Variants in ZBTB46 observed in about 807,000 individuals in gnomAD.
The protein encoded by ZBTB46 is zinc finger and BTB domain-containing protein 46.
In ZBTB46, 8 loss-of-function variants were observed where a neutral mutation model predicts 44.1. That is an observed-to-expected ratio of 0.18 (90% CI 0.11 to 0.33). The LOEUF (loss-of-function observed/expected upper bound fraction) is 0.33, where lower values mean the gene tolerates loss of function less well. Ranked by LOEUF, ZBTB46 falls within the 10% of genes least tolerant of loss-of-function variation. ZBTB46 has a pLI of 1.00. For missense variants in ZBTB46, 651 were observed against 847.7 expected, an observed-to-expected ratio of 0.77 and a Z score of 2.88; for synonymous variants, 409 against 382.3, an observed-to-expected ratio of 1.07 and a Z score of -0.81.
intron 1 of ZBTB46, among the ~76,000 whole-genome samples, chr20:63,814,471 G>C (rs4809357): frequency 6.6e-6 from 1 of 152,190 alleles, no homozygotes; most frequent in Non-Finnish European, 1.5e-5. Flanking sequence ...CAATCCAGCG[G>C]TGCAAATGCG....
At chr20:63,795,654 A>C (rs1410410926) in intron 1 of ZBTB46, among the ~76,000 whole-genome samples, 1 of 152,214 alleles carries the variant, frequency 6.6e-6, no homozygotes, top group African/African-American at 2.4e-5. Context: ...GCTCCCACCC[A>C]TCGTGCCGTC....
intron 1 of ZBTB46, among the ~76,000 whole-genome samples, chr20:63,792,509 G>C (rs1404959417): frequency 6.6e-6 from 1 of 151,986 alleles, no homozygotes; most frequent in Non-Finnish European, 1.5e-5. Flanking sequence ...AGTCATGACA[G>C]AATATTTTCT....
intron 4 of ZBTB46, among the ~76,000 whole-genome samples, chr20:63,750,098 G>C (rs1006566317): frequency 1.3e-5 from 2 of 152,260 alleles, no homozygotes; most frequent in African/African-American, 4.8e-5. Flanking sequence ...GGCTGACAGT[G>C]CTCGTAAGTG....
At chr20:63,747,539 G>GTGGGGGGGGCA (rs2092114950) in intron 4 of ZBTB46, among the ~76,000 whole-genome samples, 1 of 128,638 alleles carries the variant, frequency 7.8e-6, no homozygotes, top group African/African-American at 3.0e-5. Context: ...TGGTGGGTGG[G>GTGGGGGGGGCA]GGGGGTGCGG....
chr20:63,826,391 C>T (rs796807580), intron 1 of ZBTB46, among the ~76,000 whole-genome samples: 4 of 152,202 alleles, frequency 2.6e-5, no homozygotes, highest in African/African-American at 9.6e-5. Context: ...AAGAGGAGCC[C>T]GGGGGCGACA....
upstream of ZBTB46, among the ~76,000 whole-genome samples, chr20:63,833,382 G>A (rs6011176): frequency 6.6e-6 from 1 of 152,116 alleles, no homozygotes; most frequent in East Asian, 1.9e-4. Context: ...ACGAGGTCAG[G>A]AGATCGAGAC....
In ZBTB46 at chr20:63,803,482, A is replaced by G; in HGVS notation, c.-33-12692T>C. ...AGTGAGCAAGTGGGTGCTGGCGATG[A>G]GGACTTTAGGTTTTCCACATGGCAG... is the stretch of plus-strand genomic sequence containing the variant. On this transcript the variant is annotated intron_variant, in intron 1 of 4. Transcript: ENST00000245663. This position sits in a 1 kb window ranked among gnomAD's most constrained non-coding sequence, Gnocchi z 4.0. 1.0e-6 allele frequency: 1 copy of G among 985,326 alleles called. No individual in the cohort carries two copies. The highest frequency in any genetic ancestry group is 1.2e-6 in the Non-Finnish European group (1 of 829,906). 61.0% of individuals were successfully genotyped at this position (985,326 alleles called of 1,614,324 possible).
intron 4 of ZBTB46, among the ~76,000 whole-genome samples, chr20:63,749,912 GAAGC>G: frequency 1.3e-5 from 2 of 152,252 alleles, no homozygotes; most frequent in South Asian, 2.1e-4. Flanking sequence ...GCCCTGGAAG[GAAGC>G]AAGAAGGAAG....
At chr20:63,778,775 A>G (rs2092445339) in intron 2 of ZBTB46, among the ~76,000 whole-genome samples, 2 of 152,214 alleles carry the variant, frequency 1.3e-5, no homozygotes, top group South Asian at 2.1e-4. Flanking sequence ...ATGACACATC[A>G]TATTAATTGT....
rs762030374 is a variant in ZBTB46 at position 63,768,357 on chromosome 20, G to A, written c.1222+7321C>T. On this transcript the variant is annotated intron_variant, in intron 3 of 4. Transcript: ENST00000245663. ...TGTGATCCCAGCACTTTGGGAGGCC[G>A]AGGCAGGCGGATCACCTGAGGTCAG... Among the ~76,000 whole-genome samples the A allele has an allele frequency of 9.9e-5, 15 of 152,142 alleles. No homozygotes were observed. The East Asian group carries it at 1.5e-3, about 16-fold the overall frequency.
At chr20:63,780,559 C>T (rs2092460828) in intron 2 of ZBTB46, among the ~76,000 whole-genome samples, 1 of 151,658 alleles carries the variant, frequency 6.6e-6, no homozygotes, top group Non-Finnish European at 1.5e-5. Context: ...TCCCAGCACT[C>T]TCGGAGGCTG....
intron 1 of ZBTB46, among the ~76,000 whole-genome samples, chr20:63,814,158 G>A (rs1018366815): frequency 1.5e-4 from 22 of 151,452 alleles, no homozygotes; most frequent in African/African-American, 4.6e-4. Context: ...GCATGAACCC[G>A]GGAGGCAGAG....
intron 1 of ZBTB46, among the ~76,000 whole-genome samples, chr20:63,817,552 C>T (rs953935971): frequency 3.3e-5 from 5 of 151,226 alleles, no homozygotes; most frequent in Admixed American, 3.3e-4. Flanking sequence ...CTGTACCTAC[C>T]AAAAATACAA....
intron 1 of ZBTB46, among the ~76,000 whole-genome samples, chr20:63,814,157 C>T (rs1218113375): frequency 1.3e-5 from 2 of 149,446 alleles, no homozygotes; most frequent in African/African-American, 2.5e-5. Flanking sequence ...GGCATGAACC[C>T]GGGAGGCAGA....
At chr20:63,766,814 T>C (rs1224956573) in intron 3 of ZBTB46, among the ~76,000 whole-genome samples, 1 of 152,126 alleles carries the variant, frequency 6.6e-6, no homozygotes, top group African/African-American at 2.4e-5. Context: ...CCAGCTGCAG[T>C]GGAGATGGGG....
chr20:63,764,083 C>A (rs1339159195), intron 3 of ZBTB46, among the ~76,000 whole-genome samples: 4 of 152,066 alleles, frequency 2.6e-5, no homozygotes, highest in Non-Finnish European at 5.9e-5. Context: ...ATCCTCCCAC[C>A]TCAGCCTCCC....
intron 1 of ZBTB46, among the ~76,000 whole-genome samples, chr20:63,791,904 G>A (rs891828106): frequency 2.0e-5 from 3 of 152,192 alleles, no homozygotes; most frequent in East Asian, 3.8e-4. Flanking sequence ...TATCAAGCCT[G>A]GGAGGCTCAA....
At chr20:63,763,978 T>C (rs1040833019) in intron 3 of ZBTB46, among the ~76,000 whole-genome samples, 3 of 152,122 alleles carry the variant, frequency 2.0e-5, no homozygotes, top group Non-Finnish European at 2.9e-5. Flanking sequence ...TTTTCTTTTT[T>C]TTTTAAATAA....
chr20:63,809,417 G>T (rs969008409), intron 1 of ZBTB46, among the ~76,000 whole-genome samples: 34 of 152,170 alleles, frequency 2.2e-4, no homozygotes, highest in Admixed American at 2.2e-3. Flanking sequence ...CCTGGGTCCA[G>T]GCCTCAGGAG....
Sources: allele counts gnomAD v4.1 joint callset (sites outside exome capture counted in the v4.1 genomes callset), GRCh38; gene constraint gnomAD v4.1.1; non-coding constraint Gnocchi (gnomAD v3.1); transcripts MANE v1.5; gene names NCBI Gene and HGNC (gene_info 2026-07-23, HGNC 2026-07-21).